The following PHACTR4 variants were observed in gnomAD, a reference collection of about 807,000 sequenced individuals.
PHACTR4 encodes the protein protein phosphatase 1, regulatory subunit 124.
Under a neutral mutation model 72.7 loss-of-function variants are expected in PHACTR4, and 51 were observed. The observed-to-expected ratio is 0.70, with a 90% CI of 0.56 to 0.89. The LOEUF is 0.89. PHACTR4 is among the 40% of genes least tolerant of loss of function. The probability of loss-of-function intolerance (pLI) is 0.00; values close to 1 mark genes in which losing one functional copy is unlikely to be tolerated. For missense variants in PHACTR4, 731 were observed against 861.8 expected (o/e 0.85, Z 1.90); for synonymous variants, 255 against 302.5 (o/e 0.84, Z 1.63).
At chr1:28,396,633 T>TA (rs1364266312) in intron 1 of PHACTR4, among the ~76,000 whole-genome samples, 2 of 151,934 alleles carry the variant, frequency 1.3e-5, no homozygotes. Flanking sequence ...AGATACCTTA[T>TA]TACTTTCTTA....
chr1:28,425,959 G>A (rs186661618), intron 2 of PHACTR4, among the ~76,000 whole-genome samples: 1 of 152,250 alleles, frequency 6.6e-6, no homozygotes, highest in South Asian at 2.1e-4. Flanking sequence ...GGTGGCTCAC[G>A]CCTGTAATCC....
intron 2 of PHACTR4, among the ~76,000 whole-genome samples, chr1:28,445,051 G>T (rs999593604): frequency 6.6e-6 from 1 of 151,596 alleles, no homozygotes; most frequent in Admixed American, 6.6e-5. Flanking sequence ...CACCTCTCGG[G>T]TTCAAGCAAT....
Position 28,406,579 on chromosome 1 carries a change from G to A in PHACTR4, c.-38-831G>A, listed in dbSNP as rs180685193. On this transcript the variant is annotated intron_variant, in intron 1 of 13. Transcript: ENST00000373839. ...GTACGAGTAGCCCATGAGCCACTGC[G>A]CCCGGCCCTACAACTGCATCTTACT... Among the ~76,000 whole-genome samples, 57 of 152,260 alleles carry A rather than the reference G, an allele frequency of 3.7e-4. No individual in the cohort carries two copies. In the East Asian group the frequency reaches 9.8e-3, roughly 26 times the overall value.
intron 8 of PHACTR4, among the ~76,000 whole-genome samples, chr1:28,477,095 T>G (rs990414737): frequency 1.4e-5 from 2 of 148,066 alleles, no homozygotes; most frequent in African/African-American, 5.0e-5. Flanking sequence ...ATAATTTTTT[T>G]TTTTTTTTTA....
chr1:28,389,473 A>G (rs1252578685), intron 1 of PHACTR4, among the ~76,000 whole-genome samples: 3 of 145,230 alleles, frequency 2.1e-5, no homozygotes, highest in African/African-American at 5.3e-5. Context: ...AAATTTGTAT[A>G]CTACTTTTTT....
chr1:28,480,547 G>T lies in PHACTR4; in HGVS notation c.1703G>T (p.Cys568Phe). Reference protein sequence around the residue: ...EPELNLNSWPCKSKEEWNEIR... With the variant: ...EPELNLNSWPFKSKEEWNEIR... Reference sequence around the variant, plus strand: ...GAGTTGAACCTGAATTCTTGGCCTTGTAAAAGCAAGGAGGAGTGGAATGAA... The same window carrying T: ...GAGTTGAACCTGAATTCTTGGCCTTTTAAAAGCAAGGAGGAGTGGAATGAA... The change falls in exon 9 of 14, where the codon TGT (cysteine) becomes TTT (phenylalanine). Residue 568 changes from cysteine to phenylalanine, a missense_variant. Coordinates refer to ENST00000373839, the MANE Select transcript of PHACTR4 (RefSeq NM_001048183.3). The T allele has an allele frequency of 1.9e-6, 3 of 1,614,178 alleles. No homozygotes were observed. Among genetic ancestry groups the T allele is most frequent in the Non-Finnish European group, 2.5e-6 (3 of 1,180,042 alleles).
rs143921655 is a variant in PHACTR4, at chr1:28,408,674, T to A, written c.16+1211T>A. 9.3e-3 allele frequency among the ~76,000 whole-genome samples: 1,411 copies of A among 151,760 alleles called. 21 individuals carry two copies. Among genetic ancestry groups the A allele is most frequent in the African/African-American group, 0.032 (1,337 of 41,420 alleles). On this transcript the variant is annotated intron_variant, in intron 2 of 13. Transcript: ENST00000373839. The stretch of plus-strand genomic sequence containing the variant: ...TGTGTGTGTATATATATATATATTT[T>A]TTTTTAATTTATTTTTTTTGAGATA...
intron 1 of PHACTR4, among the ~76,000 whole-genome samples, chr1:28,375,147 C>T (rs1258902804): frequency 1.3e-5 from 2 of 151,938 alleles, no homozygotes; most frequent in Non-Finnish European, 2.9e-5. Flanking sequence ...AAAAATAAAA[C>T]AATTAGCTGG....
chr1:28,407,602 T>A (rs1449545780), intron 2 of PHACTR4, 139 bp downstream of exon 2: 1 of 564,482 alleles, frequency 1.8e-6, no homozygotes, highest in Non-Finnish European at 3.0e-6. Context: ...ACTTTTTGCT[T>A]CTATAAGAAT....
Position 28,487,724 on chromosome 1 carries a change from G to GTTTTTTT in PHACTR4, c.1761-1444_1761-1443insTTTTTTT, listed in dbSNP as rs1054105118. ...CAAAAATGACAAATTGTAGTTTTTTGTTGTTTTTTTTTTTTTTTTTTTTTT... is the reference window on the plus strand; with the variant it reads ...CAAAAATGACAAATTGTAGTTTTTTGTTTTTTTTTGTTTTTTTTTTTTTTTTTTTTTT... On this transcript the variant is annotated intron_variant, in intron 9 of 13. Transcript: ENST00000373839. Among the ~76,000 whole-genome samples the GTTTTTTT allele has an allele frequency of 2.3e-3, 161 of 71,442 alleles. 4 individuals carry two copies. The highest frequency in any genetic ancestry group is 5.2e-3 in the African/African-American group (91 of 17,626). 46.9% of individuals were successfully genotyped at this position (71,442 alleles called of 152,430 possible). A position where few individuals can be genotyped will look rare whatever the true frequency, so the allele number is the denominator to read the frequency against.
At chr1:28,493,215 A>C (rs1223343781) in intron 13 of PHACTR4, 124 bp downstream of exon 13, 10 of 799,426 alleles carry the variant, frequency 1.3e-5, no homozygotes, top group Non-Finnish European at 2.1e-5. Flanking sequence ...GCAAGACTGC[A>C]TTCAAAGGGA....
chr1:28,387,136 C>T (rs1197520781), intron 1 of PHACTR4, among the ~76,000 whole-genome samples: 1 of 151,836 alleles, frequency 6.6e-6, no homozygotes, highest in Non-Finnish European at 1.5e-5. Context: ...TGGCACGCAC[C>T]TATAGTCCCA....
intron 2 of PHACTR4, among the ~76,000 whole-genome samples, chr1:28,442,462 C>CAA (rs1337844147): frequency 0.014 from 1,592 of 110,002 alleles, 33 homozygotes; most frequent in African/African-American, 0.061. Context: ...GACTCTGTCT[C>CAA]AAAAAAAAAG....
chr1:28,405,901 G>A (rs1382975068), intron 1 of PHACTR4, among the ~76,000 whole-genome samples: 1 of 151,060 alleles, frequency 6.6e-6, no homozygotes, highest in Non-Finnish European at 1.5e-5. Context: ...AAAAAAAAAA[G>A]GAATAGGAAA....
At chr1:28,456,402 C>T (rs1259767520) in intron 2 of PHACTR4, among the ~76,000 whole-genome samples, 1 of 152,178 alleles carries the variant, frequency 6.6e-6, no homozygotes, top group Non-Finnish European at 1.5e-5. Context: ...CCCCATGATC[C>T]AGTCACCTCC....
rs988836719 is a variant in PHACTR4, at chr1:28,401,411, A to G, written c.-38-5999A>G. Among the ~76,000 whole-genome samples the G allele has an allele frequency of 4.8e-5, 7 of 145,814 alleles. No individual in the cohort carries two copies. The East Asian group carries it at 1.2e-3, about 25-fold the overall frequency. ...AACCTCCACCTCCCGAGTTCAAGCC[A>G]TTTTCCTGCCTCAGCCTCCCACGTA... On this transcript the variant is annotated intron_variant, in intron 1 of 13. Coordinates refer to ENST00000373839, the MANE Select transcript of PHACTR4 (RefSeq NM_001048183.3).
At chr1:28,414,902 A>G (rs1044966910) in intron 2 of PHACTR4, among the ~76,000 whole-genome samples, 2 of 152,148 alleles carry the variant, frequency 1.3e-5, no homozygotes, top group Non-Finnish European at 2.9e-5. Context: ...CTCATTTCAG[A>G]GACCTGGATA....
At chr1:28,438,210 T>C in intron 2 of PHACTR4, 1 of 1,360,084 alleles carries the variant, frequency 7.4e-7, no homozygotes, top group Admixed American at 3.4e-5. Flanking sequence ...GTGCTCAGGC[T>C]GTATGGGAAA....
chr1:28,442,369 C>G (rs1380730325), intron 2 of PHACTR4, among the ~76,000 whole-genome samples: 1 of 149,850 alleles, frequency 6.7e-6, no homozygotes, highest in Non-Finnish European at 1.5e-5. Flanking sequence ...GAGGCTGAGA[C>G]AGGAGAATCG....
Sources: allele counts gnomAD v4.1 joint callset (sites outside exome capture counted in the v4.1 genomes callset), GRCh38; gene constraint gnomAD v4.1.1; transcripts MANE v1.5; gene names NCBI Gene and HGNC (gene_info 2026-07-23, HGNC 2026-07-21).